The following DLG2 variants were observed in gnomAD, a reference collection of about 807,000 sequenced individuals.
The protein encoded by DLG2 is disks large homolog 2.
Under a neutral mutation model 132.5 loss-of-function variants are expected in DLG2, and 45 were observed. That is an observed-to-expected ratio of 0.34 (90% CI 0.27 to 0.44). The LOEUF (loss-of-function observed/expected upper bound fraction) is 0.44, where lower values mean the gene tolerates loss of function less well. Ranked by LOEUF, DLG2 falls within the 20% of genes least tolerant of loss-of-function variation. The probability of loss-of-function intolerance (pLI) is 1.00; values close to 1 mark genes in which losing one functional copy is unlikely to be tolerated. For synonymous variants in DLG2, 424 were observed against 419.6 expected (o/e 1.01, Z -0.13); for missense variants, 1,045 against 1,196.9 (o/e 0.87, Z 1.87).
At chr11:84,246,901 C>T (rs1424653980) in intron 8 of DLG2, among the ~76,000 whole-genome samples, 1 of 151,852 alleles carries the variant, frequency 6.6e-6, no homozygotes, top group Admixed American at 6.6e-5. Context: ...TGGTTACACA[C>T]CAAAAATTGG....
At chr11:85,246,803 A>G (rs1419742901) in intron 4 of DLG2, among the ~76,000 whole-genome samples, 1 of 152,124 alleles carries the variant, frequency 6.6e-6, no homozygotes, top group Admixed American at 6.6e-5. Flanking sequence ...TAACATGAAC[A>G]TAAGTCTATA....
intron 8 of DLG2, among the ~76,000 whole-genome samples, chr11:84,246,807 T>C (rs2154347434): frequency 6.6e-6 from 1 of 152,308 alleles, no homozygotes; most frequent in East Asian, 1.9e-4. Context: ...GTGAGACTAC[T>C]GTATTCTGCA....
At chr11:83,721,641 A>G (rs1030443892) in intron 18 of DLG2, among the ~76,000 whole-genome samples, 4 of 152,376 alleles carry the variant, frequency 2.6e-5, no homozygotes, top group Admixed American at 2.6e-4. Context: ...CTTTGTCAGC[A>G]ATGAGGAAAG....
intron 3 of DLG2, among the ~76,000 whole-genome samples, chr11:85,596,712 G>T (rs760165206): frequency 6.6e-6 from 1 of 152,100 alleles, no homozygotes; most frequent in Non-Finnish European, 1.5e-5. Context: ...ATAACAATGC[G>T]CTATATTTCA....
chr11:84,229,371 C>T (rs2097058031), intron 8 of DLG2, among the ~76,000 whole-genome samples: 1 of 152,202 alleles, frequency 6.6e-6, no homozygotes, highest in South Asian at 2.1e-4. Flanking sequence ...CCATATTTCT[C>T]TTGATCCACG....
intron 9 of DLG2, among the ~76,000 whole-genome samples, chr11:84,131,108 G>C (rs536592889): frequency 5.7e-4 from 86 of 152,014 alleles, no homozygotes; most frequent in African/African-American, 2.0e-3. Flanking sequence ...TCTAGAAAGG[G>C]ATTAGAGAAA....
intron 17 of DLG2, among the ~76,000 whole-genome samples, chr11:83,801,694 ATC>A (rs1463455641): frequency 6.6e-6 from 1 of 152,108 alleles, no homozygotes; most frequent in Non-Finnish European, 1.5e-5. Flanking sequence ...CTCCCAGCCT[ATC>A]TCTAATTCAT....
intron 7 of DLG2, among the ~76,000 whole-genome samples, chr11:84,348,473 T>G (rs988865755): frequency 2.6e-5 from 4 of 152,192 alleles, no homozygotes; most frequent in African/African-American, 9.6e-5. Context: ...AGAGTAATAT[T>G]CAGGGATCTC....
intron 17 of DLG2, among the ~76,000 whole-genome samples, 190 bp downstream of exon 17, chr11:83,833,424 A>G (rs545490039): frequency 9.2e-5 from 14 of 152,300 alleles, no homozygotes; most frequent in Admixed American, 8.5e-4. Context: ...GGCAACAGAC[A>G]GAGCGAGATT....
intron 4 of DLG2, among the ~76,000 whole-genome samples, chr11:85,269,955 AC>A (rs1469150152): frequency 6.6e-6 from 1 of 152,248 alleles, no homozygotes; most frequent in African/African-American, 2.4e-5. Flanking sequence ...TATCTAGAAC[AC>A]TTAATATATG....
chr11:84,420,807 T>A (rs1414953268), intron 7 of DLG2, among the ~76,000 whole-genome samples: 2 of 151,790 alleles, frequency 1.3e-5, no homozygotes, highest in Non-Finnish European at 1.5e-5. Flanking sequence ...TAGCTGGGAC[T>A]ACAGGCGTGC....
At chr11:85,030,322 T>C in intron 6 of DLG2, among the ~76,000 whole-genome samples, 1 of 152,214 alleles carries the variant, frequency 6.6e-6, no homozygotes, top group Admixed American at 6.5e-5. Flanking sequence ...GACTATTGAC[T>C]CTTTTATCCA....
At chr11:85,289,717 C>A (rs890047613) in intron 3 of DLG2, among the ~76,000 whole-genome samples, 6 of 152,050 alleles carry the variant, frequency 3.9e-5, no homozygotes, top group African/African-American at 1.2e-4. Flanking sequence ...CTATATTTAA[C>A]GATGTTGCAA....
intron 17 of DLG2, among the ~76,000 whole-genome samples, chr11:83,808,626 T>C (rs966505915): frequency 3.3e-5 from 5 of 152,200 alleles, no homozygotes; most frequent in Non-Finnish European, 7.3e-5. Flanking sequence ...CCCAGACATA[T>C]AATTCTGCAT....
rs987744150 is a variant in DLG2, at chr11:83,457,357, C to G, written c.*2461G>C. 1 of 152,514 alleles carries G rather than the reference C, an allele frequency of 6.6e-6. No homozygotes were observed. Among genetic ancestry groups the G allele is most frequent in the Non-Finnish European group, 1.5e-5 (1 of 68,012 alleles). The allele number at this position is 152,514 out of a possible 1,614,324, so 9.4% of individuals were successfully genotyped here. A position where few individuals can be genotyped will look rare whatever the true frequency, so the allele number is the denominator to read the frequency against. ...AACACAACAAATGGAGGTGTAAATT[C>G]TATTGGAAAAGACCCTCTCACCAAT... On this transcript the variant is annotated 3_prime_UTR_variant, in exon 28 of 28. Transcript: ENST00000376104.
chr11:84,358,877 T>A (rs976829579), intron 7 of DLG2, among the ~76,000 whole-genome samples: 1 of 151,944 alleles, frequency 6.6e-6, no homozygotes, highest in Non-Finnish European at 1.5e-5. Context: ...GAGGGACATA[T>A]GAATTAAGCA....
At chr11:84,741,602 T>C (rs1361426065) in intron 6 of DLG2, among the ~76,000 whole-genome samples, 2 of 151,756 alleles carry the variant, frequency 1.3e-5, no homozygotes, top group African/African-American at 2.4e-5. Flanking sequence ...GACTAAACTA[T>C]GGCACCCACC....
chr11:83,979,650 G>A (rs1360181150), intron 12 of DLG2, among the ~76,000 whole-genome samples: 1 of 152,134 alleles, frequency 6.6e-6, no homozygotes, highest in Non-Finnish European at 1.5e-5. Context: ...TGAGAAGCTG[G>A]CAAATGAAAT....
At chr11:84,210,278 G>C (rs2096734463) in intron 8 of DLG2, among the ~76,000 whole-genome samples, 1 of 151,036 alleles carries the variant, frequency 6.6e-6, no homozygotes, top group Admixed American at 6.6e-5. Flanking sequence ...GTGATACTCT[G>C]TCTCCAAAAA....
Sources: gnomAD v4.1 joint callset for allele counts (sites outside exome capture counted in the v4.1 genomes callset) on GRCh38, gnomAD v4.1.1 for gene constraint, MANE v1.5 for transcripts, NCBI Gene and HGNC (gene_info 2026-07-23, HGNC 2026-07-21) for gene names.